The following MAD1L1 variants were observed in gnomAD, a reference collection of about 807,000 sequenced individuals.
MAD1L1 encodes the protein mitotic spindle assembly checkpoint protein MAD1.
In MAD1L1, 95 loss-of-function variants were observed where a neutral mutation model predicts 96.9. The observed-to-expected ratio is 0.98, with a 90% confidence interval of 0.83 to 1.16. The LOEUF (loss-of-function observed/expected upper bound fraction) is 1.16. MAD1L1 is among the 50% of genes most tolerant of loss of function. The pLI is 0.00. For synonymous variants in MAD1L1, 473 were observed against 396.6 expected, an observed-to-expected ratio of 1.19 and a Z score of -2.29; for missense variants, 1,007 against 954.4, an observed-to-expected ratio of 1.06 and a Z score of -0.73.
At chr7:1,946,635 G>A (rs1779241396) in intron 16 of MAD1L1, among the ~76,000 whole-genome samples, 1 of 152,268 alleles carries the variant, frequency 6.6e-6, no homozygotes, top group Non-Finnish European at 1.5e-5. Flanking sequence ...ACCCAGCGCG[G>A]TTAAGCGGAA....
intron 10 of MAD1L1, among the ~76,000 whole-genome samples, chr7:2,156,519 C>T (rs1789857211): frequency 6.6e-6 from 1 of 152,060 alleles, no homozygotes; most frequent in Admixed American, 6.6e-5. Context: ...CGATCATCTG[C>T]ATAAATAGAG....
At chr7:1,844,727 C>A (rs1387990669) in intron 18 of MAD1L1, among the ~76,000 whole-genome samples, 2 of 152,230 alleles carry the variant, frequency 1.3e-5, no homozygotes, top group Non-Finnish European at 2.9e-5. Flanking sequence ...AGGCCGGGCA[C>A]TGACAGAGGG....
chr7:2,035,258 G>A (rs1158344759), intron 12 of MAD1L1, among the ~76,000 whole-genome samples: 1 of 139,932 alleles, frequency 7.1e-6, no homozygotes, highest in Non-Finnish European at 1.5e-5. Flanking sequence ...CATGAGCGCG[G>A]GAGCGCTGAC....
At position 1,968,030 on chromosome 7, in the gene MAD1L1, T is replaced by C. The variant is rs1034921599; in HGVS notation, c.1506-10311A>G. 6.6e-6 allele frequency among the ~76,000 whole-genome samples: 1 copy of C among 152,052 alleles called. No homozygotes were observed. Among genetic ancestry groups the C allele is most frequent in the African/African-American group, 2.4e-5 (1 of 41,374 alleles). On this transcript the variant is annotated intron_variant, in intron 15 of 18. Coordinates refer to ENST00000265854, the MANE Select transcript of MAD1L1 (RefSeq NM_001013836.2). The surrounding 1 kb of genome is among the most constrained non-coding windows in gnomAD (Gnocchi z 5.6). The stretch of plus-strand genomic sequence containing the variant: ...TGCTGGTAATAAATGAAGAAGTGAA[T>C]AAATGGGGAAGAGGAGACACCTCCC...
chr7:2,159,525 C>G (rs1790000766), intron 10 of MAD1L1, among the ~76,000 whole-genome samples: 1 of 152,214 alleles, frequency 6.6e-6, no homozygotes, highest in Non-Finnish European at 1.5e-5. Context: ...TATTTAGTGT[C>G]TTTCCCCCTC....
intron 5 of MAD1L1, among the ~76,000 whole-genome samples, chr7:2,221,597 A>T (rs1034812013): frequency 1.3e-5 from 2 of 152,082 alleles, no homozygotes; most frequent in Admixed American, 6.5e-5. Flanking sequence ...GAGAGGTCAG[A>T]AGATTCCAAT....
chr7:1,886,343 A>T (rs939712735), intron 18 of MAD1L1, among the ~76,000 whole-genome samples: 1 of 152,244 alleles, frequency 6.6e-6, no homozygotes, highest in Admixed American at 6.5e-5. Flanking sequence ...AGAAGGAAAG[A>T]ACAGGGCAGC....
chr7:1,845,706 T>C (rs1451903800), intron 18 of MAD1L1: 2 of 152,050 alleles, frequency 1.3e-5, no homozygotes, highest in Non-Finnish European at 2.9e-5. Context: ...GAGCGCTGTT[T>C]AGGAGATGGA....
intron 17 of MAD1L1, among the ~76,000 whole-genome samples, chr7:1,898,805 G>A (rs1405657404): frequency 6.6e-6 from 1 of 152,166 alleles, no homozygotes; most frequent in African/African-American, 2.4e-5. Context: ...AACACTCCGG[G>A]GATTTAGGCG....
chr7:2,072,708 T>C (rs956626829), intron 11 of MAD1L1, among the ~76,000 whole-genome samples: 13 of 152,256 alleles, frequency 8.5e-5, no homozygotes, highest in African/African-American at 2.9e-4. Flanking sequence ...AAGGCAAGAA[T>C]GTGACAGGTG....
At chr7:2,064,650 G>T (rs917672457) in intron 12 of MAD1L1, among the ~76,000 whole-genome samples, 1 of 151,934 alleles carries the variant, frequency 6.6e-6, no homozygotes, top group East Asian at 1.9e-4. Flanking sequence ...GAGGACAGAG[G>T]CTTCTCCTAG....
intron 17 of MAD1L1, among the ~76,000 whole-genome samples, chr7:1,913,794 G>C (rs1222381978): frequency 1.3e-5 from 2 of 152,142 alleles, no homozygotes; most frequent in Admixed American, 6.5e-5. Context: ...GGATTCCGTG[G>C]GGAGTGGAGG....
At chr7:1,907,947 T>C (rs1041152087) in intron 17 of MAD1L1, among the ~76,000 whole-genome samples, 2 of 152,186 alleles carry the variant, frequency 1.3e-5, no homozygotes, top group African/African-American at 4.8e-5. Context: ...GCCCCTGCAG[T>C]GTGCGGCCCC....
intron 14 of MAD1L1, among the ~76,000 whole-genome samples, chr7:1,982,543 T>C (rs1199180137): frequency 6.6e-6 from 1 of 152,218 alleles, no homozygotes; most frequent in Non-Finnish European, 1.5e-5. Context: ...TTTGTATACG[T>C]GATTTTAAAT....
At position 1,936,819 on chromosome 7, in the gene MAD1L1, C is replaced by G. The variant is rs370551681; in HGVS notation, c.1675G>C (p.Glu559Gln). 3.4e-5 allele frequency: 55 copies of G among 1,600,912 alleles called. 1 individual carries two copies. The highest frequency in any genetic ancestry group is 3.2e-5 in the Non-Finnish European group (38 of 1,174,736). ...TCCGCCTGCAGCTGGCTGTGGTCCT[C>G]GCGCAGGCGCTGCCTGGCCACACTG... is the stretch of plus-strand genomic sequence containing the variant. ...PTSVARQRLR[E>Q]DHSQLQAECE... The change falls in exon 17 of 19, where the codon GAG becomes CAG. Residue 559 changes from glutamate (E) to glutamine (Q), a missense_variant. Coordinates refer to ENST00000265854, the MANE Select transcript of MAD1L1 (RefSeq NM_001013836.2).
intron 10 of MAD1L1, among the ~76,000 whole-genome samples, chr7:2,174,915 T>C (rs1258179095): frequency 2.0e-5 from 3 of 152,204 alleles, no homozygotes; most frequent in African/African-American, 4.8e-5. Context: ...AGGCTCTGAA[T>C]GAGCGACTGT....
At chr7:2,051,731 G>C (rs1784185196) in intron 12 of MAD1L1, among the ~76,000 whole-genome samples, 1 of 139,362 alleles carries the variant, frequency 7.2e-6, no homozygotes, top group Non-Finnish European at 1.5e-5. Context: ...TGCCTACTGG[G>C]TCACCTTGCT....
At chr7:1,987,668 ACGGCAGGGCCACGGCCGCC>A (rs1781218048) in intron 14 of MAD1L1, among the ~76,000 whole-genome samples, 3 of 152,296 alleles carry the variant, frequency 2.0e-5, no homozygotes, top group East Asian at 1.9e-4. Context: ...CCGGGCCCGC[ACGGCAGGGCCACGGCCGCC>A]CGGCAGCCCC....
rs1025710762 is a variant in MAD1L1, at chr7:2,088,434, G to A, written c.1074-19096C>T. ...CCCCCGCCCCGCTCCGTCCCACCAT[G>A]GCAGTCTGAGCTCCACTGAACCCCA... On this transcript the variant is annotated intron_variant, in intron 11 of 18. Transcript: ENST00000265854. The surrounding 1 kb of genome is among the most constrained non-coding windows in gnomAD (Gnocchi z 4.4). Among the ~76,000 whole-genome samples, 2 of 152,140 alleles carry A rather than the reference G, an allele frequency of 1.3e-5. No homozygotes were observed. Among genetic ancestry groups the A allele is most frequent in the South Asian group, 4.1e-4 (2 of 4,826 alleles).
Sources: allele counts gnomAD v4.1 joint callset (sites outside exome capture counted in the v4.1 genomes callset), GRCh38; gene constraint gnomAD v4.1.1; non-coding constraint Gnocchi (gnomAD v3.1); transcripts MANE v1.5; gene names NCBI Gene and HGNC (gene_info 2026-07-23, HGNC 2026-07-21).